Variants in HSPG2 observed in about 807,000 individuals in gnomAD.
The protein encoded by HSPG2 is heparan sulfate proteoglycan 2.
In HSPG2, 278 loss-of-function variants were observed where a neutral mutation model predicts 526.6. That is an observed-to-expected ratio of 0.53 (90% CI 0.48 to 0.58). The LOEUF (loss-of-function observed/expected upper bound fraction) is 0.58. Among genes scored for constraint, HSPG2 ranks in the 20% least tolerant of loss-of-function variants. The probability of loss-of-function intolerance (pLI) is 0.00; values close to 1 mark genes in which losing one functional copy is unlikely to be tolerated. For synonymous variants in HSPG2, 2,465 were observed against 2,555.4 expected, an observed-to-expected ratio of 0.96 and a Z score of 1.07; for missense variants, 5,354 against 6,099.5, an observed-to-expected ratio of 0.88 and a Z score of 4.07.
rs1338680017 is a variant in HSPG2 at position 21,839,043 on chromosome 1, T to A, written c.9932A>T (p.Gln3311Leu). The A allele has an allele frequency of 6.3e-7, 1 of 1,597,710 alleles. No homozygotes were observed. The highest frequency in any genetic ancestry group is 8.6e-7 in the Non-Finnish European group (1 of 1,167,306). The change falls in exon 74 of 97, where the codon CAG (glutamine) becomes CTG (leucine). Residue 3311 changes from glutamine (Q) to leucine (L), a missense_variant. Gln to Leu is a moderately radical substitution (Grantham distance 113). Transcript: ENST00000374695. This position sits in a 1 kb window ranked among gnomAD's most constrained non-coding sequence, Gnocchi z 4.5. Reference protein sequence around the residue: ...ATTVPEHASVQAGETVQLQCL... With the variant: ...ATTVPEHASVLAGETVQLQCL... ...CTGGAGCTGCACCGTCTCCCCTGCC[T>A]GCACCGAAGCGTGCTCTGGGACCGT...
intron 1 of HSPG2, among the ~76,000 whole-genome samples, chr1:21,933,677 T>C (rs1195918378): frequency 6.6e-6 from 1 of 152,098 alleles, no homozygotes; most frequent in Admixed American, 6.5e-5. Flanking sequence ...CAGGGGGAAA[T>C]GGGCCTAAGG....
At chr1:21,915,190 C>A (rs979679292) in intron 1 of HSPG2, among the ~76,000 whole-genome samples, 1 of 53,976 alleles carries the variant, frequency 1.9e-5, no homozygotes, top group African/African-American at 4.6e-5. Flanking sequence ...CGCGTTAGAG[C>A]GGGCAGGGTG....
Position 21,828,965 on chromosome 1 carries a change from A to G in HSPG2, c.12107T>C (p.Leu4036Pro). The G allele has an allele frequency of 6.3e-7, 1 of 1,577,684 alleles. No homozygotes were observed. The highest frequency in any genetic ancestry group is 8.6e-7 in the Non-Finnish European group (1 of 1,161,984). The change falls in exon 88 of 97, where the codon CTG (leucine) becomes CCG (proline). Residue 4036 changes from leucine (L) to proline (P), a missense_variant. Transcript: ENST00000374695. The surrounding 1 kb of genome is among the most constrained non-coding windows in gnomAD (Gnocchi z 6.0). ...SLRVNGGRPV[L>P]RSSPGKSQGL... is the part of the protein sequence containing the mutation. ...CTGGCTCTTGCCGGGCGAGGAGCGC[A>G]GCACAGGGCGTCCACCATTCACCCG...
intron 1 of HSPG2, among the ~76,000 whole-genome samples, chr1:21,925,876 A>T (rs561488804): frequency 2.2e-4 from 32 of 146,246 alleles, no homozygotes; most frequent in South Asian, 1.1e-3. Flanking sequence ...TTTTATTTTT[A>T]TTTTTTTTTT....
At chr1:21,857,430 C>T (rs367604157) in intron 42 of HSPG2, 45 bp from the exon 43 acceptor site, 3 of 1,555,072 alleles carry the variant, frequency 1.9e-6, no homozygotes, top group Non-Finnish European at 2.7e-6. Context: ...CTGGCTAGGC[C>T]CCGGTCCTGT....
chr1:21,882,120 AG>A (rs1239009329), intron 13 of HSPG2, among the ~76,000 whole-genome samples: 2 of 152,064 alleles, frequency 1.3e-5, no homozygotes, highest in African/African-American at 4.8e-5. Flanking sequence ...GATTCTTTGC[AG>A]CCAGACTTCT....
chr1:21,926,941 G>C (rs1644211766), intron 1 of HSPG2, among the ~76,000 whole-genome samples: 1 of 152,178 alleles, frequency 6.6e-6, no homozygotes, highest in African/African-American at 2.4e-5. Context: ...GGAGAGGGTT[G>C]AGTCAGCTGG....
chr1:21,899,212 A>T (rs951813579), intron 1 of HSPG2, among the ~76,000 whole-genome samples: 1 of 152,178 alleles, frequency 6.6e-6, no homozygotes, highest in Non-Finnish European at 1.5e-5. Context: ...AAGAGCAGAG[A>T]CTTCATTTGT....
At chr1:21,844,698 AAAC>A (rs1393691685) in intron 64 of HSPG2, among the ~76,000 whole-genome samples, 4 of 152,244 alleles carry the variant, frequency 2.6e-5, no homozygotes, top group African/African-American at 9.6e-5. Context: ...GACCTTTGGA[AAAC>A]AACTTCACCT....
chr1:21,857,411 G>GGGACGGGAAGCC (rs779559851), intron 42 of HSPG2, 26 bp from the exon 43 acceptor site: 1 of 1,604,518 alleles, frequency 6.2e-7, no homozygotes. Flanking sequence ...GCCCCCCTGT[G>GGGACGGGAAGCC]AGCCGGTGCT....
At position 21,888,026 on chromosome 1, in the gene HSPG2, G is replaced by A; in HGVS notation, c.615C>T (p.Ala205=). The A allele has an allele frequency of 1.2e-6, 2 of 1,614,172 alleles. No homozygotes were observed. Among genetic ancestry groups the A allele is most frequent in the Non-Finnish European group, 1.7e-6 (2 of 1,180,040 alleles). ...CCACACACTCATTGTAGCTGTGGCA[G>A]GCAAACTCGGCCTCCGTGCAGGCTC... ...FPRACTEAEF[A]CHSYNECVAL... Residue 205 remains alanine, a synonymous_variant, in exon 7 of 97, where the codon GCC becomes GCT. Coordinates refer to ENST00000374695, the MANE Select transcript of HSPG2 (RefSeq NM_005529.7).
chr1:21,924,115 A>G (rs1346799510), intron 1 of HSPG2, among the ~76,000 whole-genome samples: 1 of 152,172 alleles, frequency 6.6e-6, no homozygotes, highest in Non-Finnish European at 1.5e-5. Flanking sequence ...CACAGGGGCC[A>G]TCTCCTTCAT....
At position 21,850,404 on chromosome 1, in the gene HSPG2, G is replaced by T; in HGVS notation, c.7253C>A (p.Ala2418Asp). The stretch of plus-strand genomic sequence containing the variant: ...AGGCTCAATGGTGACCAGGACAGAG[G>T]CCTCTAGAGGCACGGAGCTGCCCAA... Reference protein sequence around the residue: ...RVLGSSVPLEASVLVTIEPAG... With the variant: ...RVLGSSVPLEDSVLVTIEPAG... Residue 2418 changes from alanine (A) to aspartate (D), a missense_variant, in exon 56 of 97, where the codon GCC becomes GAC. By Grantham distance (126) the Ala-to-Asp change is moderately radical. Transcript: ENST00000374695. The T allele has an allele frequency of 6.2e-7, 1 of 1,611,202 alleles. No individual in the cohort carries two copies.
At chr1:21,924,839 A>G (rs1223616834) in intron 1 of HSPG2, among the ~76,000 whole-genome samples, 1 of 152,198 alleles carries the variant, frequency 6.6e-6, no homozygotes, top group Non-Finnish European at 1.5e-5. Context: ...GACCCCTGCC[A>G]CAATGCTTTC....
In HSPG2 at chr1:21,931,280, G is replaced by A. The variant is rs561700582; in HGVS notation, c.63+5875C>T. 1.4e-4 allele frequency among the ~76,000 whole-genome samples: 21 copies of A among 152,376 alleles called. No individual in the cohort carries two copies. In the South Asian group the frequency reaches 2.9e-3, roughly 21 times the overall value. ...CACCAGGCTGGGCAGTGAGGCCGGC[G>A]GCTCCCCGCGAAGTGAGTTCCACAC... On this transcript the variant is annotated intron_variant, in intron 1 of 96. Transcript: ENST00000374695.
rs144974575 is a variant in HSPG2 at position 21,878,452 on chromosome 1, G to A, written c.2598C>T (p.Gly866=). Residue 866 remains glycine (G), a synonymous_variant, in exon 20 of 97, where the codon GGC becomes GGT. Coordinates refer to ENST00000374695, the MANE Select transcript of HSPG2 (RefSeq NM_005529.7). The stretch of plus-strand genomic sequence containing the variant: ...ACTCACTGACGGGCCTGCACTTCCC[G>A]CCGGGCTGGATGGGGTTGCCCTCGT... ...PGYEGNPIQP[G]GKCRPVNQEI... 147 of 1,607,690 alleles carry A rather than the reference G, an allele frequency of 9.1e-5. No homozygotes were observed. The highest frequency in any genetic ancestry group is 1.2e-4 in the Non-Finnish European group (137 of 1,176,212).
chr1:21,842,485 G>A lies in HSPG2; in HGVS notation c.8911-105C>T, dbSNP rs113781111. On this transcript the variant is annotated intron_variant, in intron 67 of 96. Coordinates refer to ENST00000374695, the MANE Select transcript of HSPG2 (RefSeq NM_005529.7). ...CCCAAGAGTTCTCTCGGAAGCTCAG[G>A]GTCTCAGCTGGTAGGGCTGGTGGAA... 586 of 1,304,206 alleles carry A rather than the reference G, an allele frequency of 4.5e-4. 1 individual carries two copies. The African/African-American group carries it at 7.8e-3, about 17-fold the overall frequency. 80.8% of individuals were successfully genotyped at this position (1,304,206 alleles called of 1,614,324 possible).
At chr1:21,823,852 C>T (rs1233689686) in intron 95 of HSPG2, 133 bp from the exon 96 acceptor site, 5 of 795,796 alleles carry the variant, frequency 6.3e-6, no homozygotes, top group Non-Finnish European at 1.1e-5. Context: ...CTCTTTCTTT[C>T]CCCCGCTGAA....
intron 1 of HSPG2, among the ~76,000 whole-genome samples, chr1:21,900,423 AGAGGTGGGCTATGT>A (rs1239991474): frequency 6.6e-6 from 1 of 152,206 alleles, no homozygotes; most frequent in East Asian, 1.9e-4. Context: ...ACCCAATCCC[AGAGGTGGGCTATGT>A]CCAGGCCCTC....
Sources: gnomAD v4.1 joint callset for allele counts (sites outside exome capture counted in the v4.1 genomes callset) on GRCh38, gnomAD v4.1.1 for gene constraint, Gnocchi (gnomAD v3.1) non-coding constraint, MANE v1.5 for transcripts, NCBI Gene and HGNC (gene_info 2026-07-23, HGNC 2026-07-21) for gene names.